The following GJA3 variants were observed in gnomAD, a reference collection of about 807,000 sequenced individuals.
GJA3 encodes gap junction alpha-3 protein.
For synonymous variants in GJA3, 297 were observed against 292.6 expected (o/e 1.02, Z -0.15); for missense variants, 571 against 620.3 (o/e 0.92, Z 0.84).
intron 1 of GJA3, among the ~76,000 whole-genome samples, chr13:20,158,678 G>A (rs1382376513): frequency 1.3e-5 from 2 of 151,982 alleles, no homozygotes; most frequent in South Asian, 2.1e-4. Context: ...TTGGGAGGCT[G>A]AGGTGGGTGG....
In GJA3 at chr13:20,142,040, C is replaced by T; in HGVS notation, c.1249G>A (p.Ala417Thr). 1.3e-6 allele frequency: 2 copies of T among 1,550,358 alleles called. No individual in the cohort carries two copies. The highest frequency in any genetic ancestry group is 2.4e-5 in the South Asian group (2 of 84,038). ...CTGCTGGCCCTGCTGGCCTTGCTGG[C>T]CCGACCTGGGTCTCCGAGGGGCAAG... is the stretch of plus-strand genomic sequence containing the variant. ...PPLPLGDPGR[A>T]SKASRASSGR... is the part of the protein sequence containing the mutation. The change falls in exon 2 of 2, where the codon GCC becomes ACC. Residue 417 changes from alanine (A) to threonine (T), a missense_variant. Physicochemically the swap from Ala to Thr is moderately conservative, Grantham distance 58. Transcript: ENST00000241125.
intron 1 of GJA3, among the ~76,000 whole-genome samples, chr13:20,157,851 T>C (rs1958914944): frequency 6.6e-6 from 1 of 151,464 alleles, no homozygotes; most frequent in South Asian, 2.1e-4. Context: ...GACAGCCCAA[T>C]TACTTCATCA....
At chr13:20,158,207 G>T (rs183510614) in intron 1 of GJA3, among the ~76,000 whole-genome samples, 1 of 152,188 alleles carries the variant, frequency 6.6e-6, no homozygotes, top group Admixed American at 6.5e-5. Flanking sequence ...CCCACAACCT[G>T]ATAATTATGG....
Position 20,139,646 on chromosome 13 carries a change from T to C in GJA3, c.*2335A>G, listed in dbSNP as rs1006492360. The C allele has an allele frequency of 6.6e-6, 1 of 152,184 alleles. No individual in the cohort carries two copies. The highest frequency in any genetic ancestry group is 2.4e-5 in the African/African-American group (1 of 41,428). The allele number at this position is 152,184 out of a possible 1,614,324, so 9.4% of individuals were successfully genotyped here. A position where few individuals can be genotyped will look rare whatever the true frequency, so the allele number is the denominator to read the frequency against. ...TGCAAAACCTCACTTCTTTATAGAT[T>C]AGTGATTTTCAAGTAGGTGAATCTA... On this transcript the variant is annotated 3_prime_UTR_variant, in exon 2 of 2. Coordinates refer to ENST00000241125, the MANE Select transcript of GJA3 (RefSeq NM_021954.4).
chr13:20,141,617 C>A lies in GJA3; in HGVS notation c.*364G>T. On this transcript the variant is annotated 3_prime_UTR_variant, in exon 2 of 2. Coordinates refer to ENST00000241125, the MANE Select transcript of GJA3 (RefSeq NM_021954.4). The stretch of plus-strand genomic sequence containing the variant: ...AGCTTAGGAATAGCAAACCCAATTG[C>A]CCAGGAGCTAAAGGGACTGCAGGAT... 4.6e-6 allele frequency: 1 copy of A among 215,776 alleles called. No homozygotes were observed. Among genetic ancestry groups the A allele is most frequent in the Non-Finnish European group, 9.1e-6 (1 of 109,720 alleles). The allele number at this position is 215,776 out of a possible 1,614,324, so 13.4% of individuals were successfully genotyped here. A position where few individuals can be genotyped will look rare whatever the true frequency, so the allele number is the denominator to read the frequency against.
chr13:20,141,898 A>C lies in GJA3; in HGVS notation c.*83T>G, dbSNP rs2141137094. 1 of 1,523,978 alleles carries C rather than the reference A, an allele frequency of 6.6e-7. No homozygotes were observed. Among genetic ancestry groups the C allele is most frequent in the Non-Finnish European group, 8.9e-7 (1 of 1,128,294 alleles). 94.4% of individuals were successfully genotyped at this position (1,523,978 alleles called of 1,614,324 possible). A position where few individuals can be genotyped will look rare whatever the true frequency, so the allele number is the denominator to read the frequency against. On this transcript the variant is annotated 3_prime_UTR_variant, in exon 2 of 2. Coordinates refer to ENST00000241125, the MANE Select transcript of GJA3 (RefSeq NM_021954.4). The stretch of plus-strand genomic sequence containing the variant: ...CCACCTCCTGGGACTTTCAGGTTCT[A>C]TCTGCTGGTGGGAAGTGCACTTTGG...
intron 1 of GJA3, among the ~76,000 whole-genome samples, chr13:20,160,518 G>C (rs1958930768): frequency 6.6e-6 from 1 of 152,140 alleles, no homozygotes; most frequent in African/African-American, 2.4e-5. Flanking sequence ...CTGACGGTCC[G>C]GGACAGCCCG....
At position 20,141,629 on chromosome 13, in the gene GJA3, AG is replaced by A. The variant is rs376904727; in HGVS notation, c.*351del. 80 of 245,228 alleles carry A rather than the reference AG, an allele frequency of 3.3e-4. 1 individual carries two copies. The highest frequency in any genetic ancestry group is 1.7e-3 in the African/African-American group (75 of 44,322). The allele number at this position is 245,228 out of a possible 1,614,324, so 15.2% of individuals were successfully genotyped here. ...GCAAACCCAATTGCCCAGGAGCTAA[AG>A]GGACTGCAGGATACCTGTTGCTTTA... On this transcript the variant is annotated 3_prime_UTR_variant, in exon 2 of 2. Coordinates refer to ENST00000241125, the MANE Select transcript of GJA3 (RefSeq NM_021954.4).
At chr13:20,148,939 A>T (rs748690086) in intron 1 of GJA3, among the ~76,000 whole-genome samples, 8 of 152,222 alleles carry the variant, frequency 5.3e-5, no homozygotes, top group Non-Finnish European at 8.8e-5. Context: ...CTCCCATGAG[A>T]TGGCCCTTAA....
intron 1 of GJA3, among the ~76,000 whole-genome samples, chr13:20,157,789 G>A (rs1009024821): frequency 1.1e-4 from 17 of 152,124 alleles, no homozygotes; most frequent in Non-Finnish European, 2.2e-4. Flanking sequence ...CTGTCTCAAG[G>A]GGGGTATTTT....
chr13:20,155,440 C>T (rs1010246152), intron 1 of GJA3, among the ~76,000 whole-genome samples: 1 of 152,052 alleles, frequency 6.6e-6, no homozygotes, highest in African/African-American at 2.4e-5. Flanking sequence ...CGTAGGTTTA[C>T]TGTTTACTAA....
At chr13:20,147,258 C>A (rs549743073) in intron 1 of GJA3, among the ~76,000 whole-genome samples, 1 of 152,294 alleles carries the variant, frequency 6.6e-6, no homozygotes, top group South Asian at 2.1e-4. Context: ...AATGCCGAAT[C>A]AGCCCCATCA....
At position 20,140,378 on chromosome 13, in the gene GJA3, G is replaced by A. The variant is rs1958800330; in HGVS notation, c.*1603C>T. 6.6e-6 allele frequency: 1 copy of A among 152,184 alleles called. No homozygotes were observed. The highest frequency in any genetic ancestry group is 2.1e-4 in the South Asian group (1 of 4,834). The allele number at this position is 152,184 out of a possible 1,614,324, so 9.4% of individuals were successfully genotyped here. A position where few individuals can be genotyped will look rare whatever the true frequency, so the allele number is the denominator to read the frequency against. ...GAAATTGCATTCCTTTCATCAGATTGTTAGTGGAGCACCCTTTATGATAGA... is the reference window on the plus strand; with the variant it reads ...GAAATTGCATTCCTTTCATCAGATTATTAGTGGAGCACCCTTTATGATAGA... On this transcript the variant is annotated 3_prime_UTR_variant, in exon 2 of 2. Transcript: ENST00000241125.
chr13:20,161,001 G>T lies in GJA3; in HGVS notation c.-129C>A, dbSNP rs1010577816. ...GTGCTGCTTCACGCGTGCGCCCCGC[G>T]CCAGGGCCCGACCTCCCCGCCCTGA... is the stretch of plus-strand genomic sequence containing the variant. On this transcript the variant is annotated 5_prime_UTR_variant, in exon 1 of 2. Transcript: ENST00000241125. The T allele has an allele frequency of 6.6e-6, 1 of 152,196 alleles. No homozygotes were observed. The highest frequency in any genetic ancestry group is 1.5e-5 in the Non-Finnish European group (1 of 68,208). 9.4% of individuals were successfully genotyped at this position (152,196 alleles called of 1,614,324 possible).
chr13:20,145,672 C>G (rs1312910128), intron 1 of GJA3, among the ~76,000 whole-genome samples: 1 of 152,222 alleles, frequency 6.6e-6, no homozygotes, highest in African/African-American at 2.4e-5. Flanking sequence ...GCCTGAAACT[C>G]CACCTTTAGG....
Position 20,141,870 on chromosome 13 carries a change from C to T in GJA3, c.*111G>A. On this transcript the variant is annotated 3_prime_UTR_variant, in exon 2 of 2. Coordinates refer to ENST00000241125, the MANE Select transcript of GJA3 (RefSeq NM_021954.4). ...CGTCCACCTCCTGGGACTCCAGTCG[C>T]TCCCACCTCCTGGGACTTTCAGGTT... 2 of 1,479,296 alleles carry T rather than the reference C, an allele frequency of 1.4e-6. No homozygotes were observed. Among genetic ancestry groups the T allele is most frequent in the Admixed American group, 2.1e-5 (1 of 48,132 alleles). 91.6% of individuals were successfully genotyped at this position (1,479,296 alleles called of 1,614,324 possible).
At chr13:20,158,430 A>C (rs975652649) in intron 1 of GJA3, among the ~76,000 whole-genome samples, 4 of 152,150 alleles carry the variant, frequency 2.6e-5, no homozygotes, top group Non-Finnish European at 5.9e-5. Context: ...GGAATAAATA[A>C]GCAATAATCC....
At chr13:20,143,373 G>A in intron 1 of GJA3, 68 bp from the exon 2 acceptor site, 5 of 1,119,892 alleles carry the variant, frequency 4.5e-6, no homozygotes, top group Non-Finnish European at 6.2e-6. Context: ...ACCCATGGGC[G>A]GCGGCAGCGG....
At chr13:20,146,037 T>C (rs1359388843) in intron 1 of GJA3, among the ~76,000 whole-genome samples, 1 of 152,226 alleles carries the variant, frequency 6.6e-6, no homozygotes, top group Non-Finnish European at 1.5e-5. Flanking sequence ...GTTCCCTGTC[T>C]ACCGGCAGAG....
Sources: gnomAD v4.1 joint callset for allele counts (sites outside exome capture counted in the v4.1 genomes callset) on GRCh38, gnomAD v4.1.1 for gene constraint, MANE v1.5 for transcripts, NCBI Gene and HGNC (gene_info 2026-07-23, HGNC 2026-07-21) for gene names.